Variants in NTM observed in about 807,000 individuals in gnomAD.
NTM encodes the protein neurotrimin, also known as IgLON family member 2.
A neutral mutation model predicts 42.1 loss-of-function variants in NTM; 13 were observed. The ratio of observed to expected loss-of-function variants is 0.31; its 90% confidence interval spans 0.20 to 0.49. The LOEUF (loss-of-function observed/expected upper bound fraction) is 0.49, where lower values mean the gene tolerates loss of function less well. Among genes scored for constraint, NTM ranks in the 20% least tolerant of loss-of-function variants. The pLI, the probability that NTM is intolerant of heterozygous loss-of-function variation, is 0.99. For missense variants in NTM, 373 were observed against 452.8 expected (o/e 0.82, Z 1.60); for synonymous variants, 187 against 179.2 (o/e 1.04, Z -0.35).
At chr11:131,624,381 G>C (rs1022057631) in intron 1 of NTM, among the ~76,000 whole-genome samples, 1 of 152,138 alleles carries the variant, frequency 6.6e-6, no homozygotes, top group Non-Finnish European at 1.5e-5. Context: ...CTCATCTGTA[G>C]AACGGGCACA....
intron 2 of NTM, among the ~76,000 whole-genome samples, chr11:132,020,583 T>A (rs1479889683): frequency 6.6e-6 from 1 of 152,126 alleles, no homozygotes; most frequent in African/African-American, 2.4e-5. Context: ...TGATAGTAAC[T>A]AAATTCTGGT....
At chr11:132,324,462 C>T (rs1215502921) in intron 7 of NTM, among the ~76,000 whole-genome samples, 2 of 151,062 alleles carry the variant, frequency 1.3e-5, no homozygotes, top group Middle Eastern at 3.2e-3. Context: ...ATCCAACTTA[C>T]AAGGGATGTG....
At chr11:131,575,307 C>T (rs1352604929) in intron 1 of NTM, among the ~76,000 whole-genome samples, 1 of 152,152 alleles carries the variant, frequency 6.6e-6, no homozygotes, top group Non-Finnish European at 1.5e-5. Context: ...GGGAGCCCCC[C>T]GTCACATTAA....
chr11:131,910,463 C>G (rs2054581973), intron 1 of NTM, among the ~76,000 whole-genome samples: 1 of 151,186 alleles, frequency 6.6e-6, no homozygotes, highest in African/African-American at 2.4e-5. Context: ...GGTGGGCGCC[C>G]GCGCCCCGCG....
chr11:131,933,872 C>CT (rs1329983753), intron 2 of NTM, among the ~76,000 whole-genome samples: 1 of 33,876 alleles, frequency 3.0e-5, no homozygotes, highest in African/African-American at 5.0e-5. Flanking sequence ...TTACTGAACT[C>CT]TTTTTTTCTG....
chr11:132,315,632 T>G (rs2095408802), intron 7 of NTM, among the ~76,000 whole-genome samples: 1 of 152,154 alleles, frequency 6.6e-6, no homozygotes, highest in African/African-American at 2.4e-5. Flanking sequence ...TTCCTTATAT[T>G]CTGAAAACTT....
intron 1 of NTM, among the ~76,000 whole-genome samples, chr11:131,484,967 T>C (rs10894403): frequency 0.17 from 25,440 of 152,090 alleles, 3,818 homozygotes; most frequent in East Asian, 0.46. Flanking sequence ...ATACCAAGAT[T>C]TTATACTTGA....
chr11:131,847,089 T>A (rs2044999407), intron 1 of NTM, among the ~76,000 whole-genome samples: 1 of 152,208 alleles, frequency 6.6e-6, no homozygotes, highest in Admixed American at 6.5e-5. Context: ...AATCTGTATC[T>A]TTCATTTAGT....
At chr11:132,189,563 C>T (rs2078964323) in intron 3 of NTM, among the ~76,000 whole-genome samples, 1 of 152,056 alleles carries the variant, frequency 6.6e-6, no homozygotes. Context: ...AGCATGTTGA[C>T]ACTCTCTCTA....
At chr11:131,997,422 C>A (rs73031540) in intron 2 of NTM, among the ~76,000 whole-genome samples, 2,190 of 152,256 alleles carry the variant, frequency 0.014, 44 homozygotes, top group South Asian at 0.093. Context: ...ATTTAAGACT[C>A]CAGATCAAGG....
intron 2 of NTM, among the ~76,000 whole-genome samples, chr11:132,091,733 C>A (rs995723696): frequency 1.3e-5 from 2 of 152,144 alleles, no homozygotes; most frequent in East Asian, 3.9e-4. Flanking sequence ...CCTCCTGCCT[C>A]AGCCTCTCAA....
intron 6 of NTM, among the ~76,000 whole-genome samples, chr11:132,312,145 G>C (rs572396186): frequency 6.8e-4 from 104 of 152,272 alleles, no homozygotes; most frequent in African/African-American, 2.4e-3. Flanking sequence ...CCCTGCCTCT[G>C]AGGTCCTGGT....
intron 1 of NTM, among the ~76,000 whole-genome samples, chr11:131,684,979 C>A (rs773760985): frequency 2.6e-5 from 4 of 152,190 alleles, no homozygotes; most frequent in Non-Finnish European, 4.4e-5. Context: ...GCCCAGAGCC[C>A]AGAAGGAAGA....
chr11:131,595,671 A>T (rs1444800083), intron 1 of NTM, among the ~76,000 whole-genome samples: 1 of 152,210 alleles, frequency 6.6e-6, no homozygotes, highest in Non-Finnish European at 1.5e-5. Flanking sequence ...AACCTCTGGG[A>T]TGGGCTGTGT....
At chr11:131,823,136 T>C (rs1244886837) in intron 1 of NTM, among the ~76,000 whole-genome samples, 1 of 152,200 alleles carries the variant, frequency 6.6e-6, no homozygotes, top group Non-Finnish European at 1.5e-5. Flanking sequence ...AGGACAGTTA[T>C]ATTACTTGGG....
intron 1 of NTM, among the ~76,000 whole-genome samples, chr11:131,749,803 C>T (rs7129954): frequency 0.53 from 80,357 of 151,896 alleles, 21,252 homozygotes; most frequent in East Asian, 0.59. Flanking sequence ...TTTCACTATG[C>T]TGGTCAGGCT....
At chr11:131,969,041 C>G (rs1053445566) in intron 2 of NTM, among the ~76,000 whole-genome samples, 8 of 152,174 alleles carry the variant, frequency 5.3e-5, no homozygotes, top group Admixed American at 4.6e-4. Flanking sequence ...TTTTAAAAAT[C>G]AATTAGTGTG....
At chr11:131,710,392 C>A (rs1240015933) in intron 1 of NTM, among the ~76,000 whole-genome samples, 1 of 152,034 alleles carries the variant, frequency 6.6e-6, no homozygotes, top group Non-Finnish European at 1.5e-5. Context: ...AAAAGCCTCA[C>A]CAAGCGGGTC....
intron 1 of NTM, among the ~76,000 whole-genome samples, chr11:131,625,379 C>T (rs78460652): frequency 5.3e-5 from 8 of 152,164 alleles, no homozygotes; most frequent in East Asian, 3.9e-4. Flanking sequence ...CAGGTGCCTT[C>T]GGGATTCAGA....
Sources: allele counts gnomAD v4.1 joint callset (sites outside exome capture counted in the v4.1 genomes callset), GRCh38; gene constraint gnomAD v4.1.1; transcripts MANE v1.5; gene names NCBI Gene and HGNC (gene_info 2026-07-23, HGNC 2026-07-21).